Variants in TMEM87B observed in about 807,000 individuals in gnomAD.
TMEM87B encodes transmembrane protein 87B.
TMEM87B carries 83 observed loss-of-function variants against 80.3 expected under a neutral mutation model. The observed-to-expected ratio is 1.03, with a 90% CI of 0.87 to 1.24. The LOEUF (loss-of-function observed/expected upper bound fraction) is 1.24. TMEM87B is among the 50% of genes most tolerant of loss of function. The pLI is 0.00. For missense variants in TMEM87B, 625 were observed against 674.4 expected (o/e 0.93, Z 0.81); for synonymous variants, 219 against 230.5 (o/e 0.95, Z 0.45).
At chr2:112,094,311 G>A (rs996837951) in intron 11 of TMEM87B, among the ~76,000 whole-genome samples, 6 of 151,936 alleles carry the variant, frequency 3.9e-5, no homozygotes, top group Non-Finnish European at 7.4e-5. Context: ...ACAGGCGTGC[G>A]CCACCACGCC....
At chr2:112,078,030 G>A (rs537222484) in intron 6 of TMEM87B, among the ~76,000 whole-genome samples, 8 of 152,342 alleles carry the variant, frequency 5.3e-5, no homozygotes, top group Admixed American at 3.9e-4. Flanking sequence ...CATTGCTGCA[G>A]AGGAGGCTCG....
At chr2:112,061,804 A>G (rs1678267163) in intron 2 of TMEM87B, among the ~76,000 whole-genome samples, 1 of 152,246 alleles carries the variant, frequency 6.6e-6, no homozygotes, top group South Asian at 2.1e-4. Context: ...GGGATTTAAG[A>G]GCAAAAGCAT....
intron 2 of TMEM87B, among the ~76,000 whole-genome samples, chr2:112,063,075 C>T (rs765431586): frequency 6.6e-5 from 10 of 152,180 alleles, no homozygotes; most frequent in African/African-American, 2.4e-4. Flanking sequence ...TTTGGTTTCG[C>T]TCTTTGTCAT....
intron 18 of TMEM87B, 38 bp from the exon 19 acceptor site, chr2:112,116,046 T>G: frequency 1.3e-6 from 2 of 1,578,626 alleles, no homozygotes; most frequent in Non-Finnish European, 1.7e-6. Flanking sequence ...GGAAGTAGTA[T>G]CAACATGTTG....
rs1000964955 is a variant in TMEM87B at position 112,095,458 on chromosome 2, T to C, written c.1105-1586T>C. The C allele has an allele frequency of 3.1e-6, 3 of 979,994 alleles. No homozygotes were observed. In the African/African-American group the frequency reaches 5.3e-5, roughly 17 times the overall value. 60.7% of individuals were successfully genotyped at this position (979,994 alleles called of 1,614,324 possible). A position where few individuals can be genotyped will look rare whatever the true frequency, so the allele number is the denominator to read the frequency against. Reference sequence around the variant, plus strand: ...GGCTTAGGCAATTTCAAATTTACTTTTTATTCCTTAGCTTAAAAACATTTT... The same window carrying C: ...GGCTTAGGCAATTTCAAATTTACTTCTTATTCCTTAGCTTAAAAACATTTT... On this transcript the variant is annotated intron_variant, in intron 11 of 18. Transcript: ENST00000283206.
At chr2:112,107,904 T>G in intron 17 of TMEM87B, 64 bp downstream of exon 17, 3 of 1,115,442 alleles carry the variant, frequency 2.7e-6, no homozygotes, top group Non-Finnish European at 3.9e-6. Context: ...GGGATCGTTC[T>G]CATCCTTTGT....
At position 112,088,016 on chromosome 2, in the gene TMEM87B, G is replaced by T. The variant is rs376261002; in HGVS notation, c.939-1609G>T. On this transcript the variant is annotated intron_variant, in intron 9 of 18. Coordinates refer to ENST00000283206, the MANE Select transcript of TMEM87B (RefSeq NM_032824.3). ...CTGCTGCACCCTCCTGTGTTCCTGA[G>T]CTCCGGCCCCCGGGGGCCCAGGCTC... 5.9e-5 allele frequency among the ~76,000 whole-genome samples: 9 copies of T among 152,316 alleles called. No individual in the cohort carries two copies. The Middle Eastern group carries it at 0.014, about 230-fold the overall frequency.
chr2:112,102,942 C>T (rs1003273784), intron 15 of TMEM87B, among the ~76,000 whole-genome samples: 4 of 152,024 alleles, frequency 2.6e-5, no homozygotes, highest in Non-Finnish European at 5.9e-5. Context: ...ATGGGAGGTC[C>T]TACCTAGTGC....
chr2:112,098,163 A>G (rs967325733), intron 13 of TMEM87B, among the ~76,000 whole-genome samples: 2 of 152,162 alleles, frequency 1.3e-5, no homozygotes, highest in Non-Finnish European at 2.9e-5. Context: ...GACTTAGAAT[A>G]TGAAAGGTCC....
At position 112,064,390 on chromosome 2, in the gene TMEM87B, T is replaced by G. The variant is rs185131329; in HGVS notation, c.318+137T>G. The G allele has an allele frequency of 1.3e-5, 9 of 704,696 alleles. No homozygotes were observed. The South Asian group carries it at 1.9e-4, about 15-fold the overall frequency. The allele number at this position is 704,696 out of a possible 1,614,324, so 43.7% of individuals were successfully genotyped here. A position where few individuals can be genotyped will look rare whatever the true frequency, so the allele number is the denominator to read the frequency against. On this transcript the variant is annotated intron_variant, in intron 3 of 18. Transcript: ENST00000283206. ...TGCTACAGATTAATTTTGGGACTTATGGCAATAAACCAAGTTACATGCTGA... is the reference window on the plus strand; with the variant it reads ...TGCTACAGATTAATTTTGGGACTTAGGGCAATAAACCAAGTTACATGCTGA...
chr2:112,064,219 A>G lies in TMEM87B; in HGVS notation c.284A>G (p.Tyr95Cys), dbSNP rs756271652. Residue 95 changes from tyrosine (Y) to cysteine (C), a missense_variant, in exon 3 of 19, where the codon TAT becomes TGT. Physicochemically the swap from Tyr to Cys is radical, Grantham distance 194. Coordinates refer to ENST00000283206, the MANE Select transcript of TMEM87B (RefSeq NM_032824.3). ...TTTACCATAGTGTGGCATTTGAAGTATCATACCTGTCACAATGAGCATTCT... is the reference window on the plus strand; with the variant it reads ...TTTACCATAGTGTGGCATTTGAAGTGTCATACCTGTCACAATGAGCATTCT... Reference protein sequence around the residue: ...VKFTIVWHLKYHTCHNEHSNL... With the variant: ...VKFTIVWHLKCHTCHNEHSNL... 3.1e-6 allele frequency: 5 copies of G among 1,613,722 alleles called. No homozygotes were observed. The African/African-American group carries it at 4.0e-5, about 13-fold the overall frequency.
intron 13 of TMEM87B, among the ~76,000 whole-genome samples, chr2:112,097,712 CAAAAAAAAAAA>C (rs68175814): frequency 7.0e-5 from 4 of 57,244 alleles, no homozygotes; most frequent in African/African-American, 2.0e-4. Flanking sequence ...GACTCCATCT[CAAAAAAAAAAA>C]AAAAAAAAAA....
chr2:112,105,874 C>A, intron 15 of TMEM87B, 128 bp from the exon 16 acceptor site: 1 of 571,506 alleles, frequency 1.7e-6, no homozygotes, highest in Non-Finnish European at 2.7e-6. Flanking sequence ...CAGCATCCTG[C>A]CTAAAGTTTC....
intron 5 of TMEM87B, among the ~76,000 whole-genome samples, chr2:112,076,842 TTGTGTGTG>T (rs70962982): frequency 0.059 from 8,226 of 139,142 alleles, 451 homozygotes; most frequent in African/African-American, 0.15. Flanking sequence ...CTTTTCTGTT[TTGTGTGTG>T]TGTGTGTGTG....
chr2:112,063,054 T>C (rs991308109), intron 2 of TMEM87B, among the ~76,000 whole-genome samples: 1 of 152,236 alleles, frequency 6.6e-6, no homozygotes, highest in Non-Finnish European at 1.5e-5. Flanking sequence ...AACTTGAATC[T>C]CTGGTCTCAG....
At chr2:112,113,368 C>T (rs569285033) in intron 18 of TMEM87B, among the ~76,000 whole-genome samples, 6 of 152,158 alleles carry the variant, frequency 3.9e-5, no homozygotes, top group African/African-American at 1.2e-4. Flanking sequence ...TGGCACAAGG[C>T]GGGAAGAAAT....
chr2:112,064,419 T>C (rs1678353532), intron 3 of TMEM87B, among the ~76,000 whole-genome samples, 166 bp downstream of exon 3: 1 of 152,256 alleles, frequency 6.6e-6, no homozygotes, highest in Non-Finnish European at 1.5e-5. Flanking sequence ...ATGCTGAGAA[T>C]ACTACGAGCT....
At chr2:112,076,194 G>T (rs1230361953) in intron 5 of TMEM87B, among the ~76,000 whole-genome samples, 1 of 152,120 alleles carries the variant, frequency 6.6e-6, no homozygotes, top group African/African-American at 2.4e-5. Context: ...TGAGGTTGCA[G>T]TGAGACAAGA....
intron 13 of TMEM87B, 71 bp from the exon 14 acceptor site, chr2:112,098,524 A>G: frequency 1.4e-6 from 2 of 1,401,868 alleles, no homozygotes; most frequent in African/African-American, 1.4e-5. Context: ...GTCATTGTAC[A>G]TTATTTGAAT....
Sources: allele counts gnomAD v4.1 joint callset (sites outside exome capture counted in the v4.1 genomes callset), GRCh38; gene constraint gnomAD v4.1.1; transcripts MANE v1.5; gene names NCBI Gene and HGNC (gene_info 2026-07-23, HGNC 2026-07-21).